The following MYH10 variants were observed in gnomAD, a reference collection of about 807,000 sequenced individuals.
MYH10 encodes myosin heavy chain 10, also known as myosin-10.
In MYH10, 55 loss-of-function variants were observed where a neutral mutation model predicts 257.8. The observed-to-expected ratio is 0.21, with a 90% CI of 0.17 to 0.27. MYH10 has a LOEUF of 0.27. Among genes scored for constraint, MYH10 ranks in the 10% least tolerant of loss-of-function variants. The pLI is 1.00. For missense variants in MYH10, 1,631 were observed against 2,500.6 expected (o/e 0.65, Z 7.42); for synonymous variants, 854 against 921.7 (o/e 0.93, Z 1.33).
intron 17 of MYH10, among the ~76,000 whole-genome samples, chr17:8,521,886 CACTT>C (rs1412197317): frequency 2.6e-5 from 4 of 152,160 alleles, no homozygotes; most frequent in Non-Finnish European, 5.9e-5. Flanking sequence ...ACATGAATAA[CACTT>C]ACTAAAGGGC....
rs148660553 is a variant in MYH10, at chr17:8,554,913, A to G, written c.757-895T>C. On this transcript the variant is annotated intron_variant, in intron 7 of 42. Transcript: ENST00000360416. ...GGTTGCAGTGAACTGAGATCGCGCC[A>G]CTGCACTCCAGCCTGGGTGACAGAG... 6.0e-3 allele frequency among the ~76,000 whole-genome samples: 921 copies of G among 152,354 alleles called. 14 individuals carry two copies. The highest frequency in any genetic ancestry group is 0.02 in the African/African-American group (825 of 41,588).
At chr17:8,628,158 T>A (rs1022406448) in intron 1 of MYH10, among the ~76,000 whole-genome samples, 9 of 152,218 alleles carry the variant, frequency 5.9e-5, no homozygotes. Context: ...TACCCATAAC[T>A]TAGGGGAAAT....
chr17:8,493,298 C>A (rs957174667), intron 32 of MYH10, among the ~76,000 whole-genome samples: 3 of 150,974 alleles, frequency 2.0e-5, no homozygotes, highest in Admixed American at 2.0e-4. Flanking sequence ...GAGCTGAGAT[C>A]ACGCCACTGC....
intron 31 of MYH10, among the ~76,000 whole-genome samples, chr17:8,494,815 G>A (rs751235064): frequency 6.6e-6 from 1 of 152,210 alleles, no homozygotes; most frequent in Non-Finnish European, 1.5e-5. Flanking sequence ...CAATCTTATT[G>A]GAAATGGCCA....
intron 19 of MYH10, among the ~76,000 whole-genome samples, chr17:8,519,371 C>G (rs760748510): frequency 6.6e-6 from 1 of 152,132 alleles, no homozygotes; most frequent in African/African-American, 2.4e-5. Context: ...TCATAGGCTT[C>G]TATTCAAAAC....
rs767017139 is a variant in MYH10 at position 8,546,669 on chromosome 17, TG to T, written c.1160-8del. 1.4e-5 allele frequency: 22 copies of T among 1,608,570 alleles called. No individual in the cohort carries two copies. The highest frequency in any genetic ancestry group is 1.8e-5 in the Non-Finnish European group (21 of 1,175,684). ...TGGCAGAGCTTCTGCGCAACTGAAG[TG>T]TAAAAAGTCTCCTAAATCCTACATT... On this transcript the variant is annotated splice_polypyrimidine_tract_variant and splice_region_variant and intron_variant, in intron 11 of 42. Coordinates refer to ENST00000360416, the MANE Select transcript of MYH10 (RefSeq NM_001256012.3).
chr17:8,577,299 T>C lies in MYH10; in HGVS notation c.570A>G (p.Lys190=). 1 of 1,611,712 alleles carries C rather than the reference T, an allele frequency of 6.2e-7. No individual in the cohort carries two copies. Among genetic ancestry groups the C allele is most frequent in the South Asian group, 1.1e-5 (1 of 90,676 alleles). ...CAACATGGGCAAGGTACTGAATAACTTTCTTTGTATTTTCTGTCTTCCCAG... is the reference window on the plus strand; with the variant it reads ...CAACATGGGCAAGGTACTGAATAACCTTCTTTGTATTTTCTGTCTTCCCAG... ...SGAGKTENTK[K]VIQYLAHVAS... The change falls in exon 5 of 43, where the codon AAA becomes AAG. Residue 190 remains lysine, a synonymous_variant. Transcript: ENST00000360416.
At chr17:8,536,813 A>AAAG (rs10683786) in intron 14 of MYH10, among the ~76,000 whole-genome samples, 11 of 150,790 alleles carry the variant, frequency 7.3e-5, no homozygotes, top group Admixed American at 2.6e-4. Flanking sequence ...AAAAAAAAAA[A>AAAG]GCGCTAGATG....
intron 37 of MYH10, among the ~76,000 whole-genome samples, chr17:8,483,435 T>A (rs1363630457): frequency 6.6e-6 from 1 of 152,222 alleles, no homozygotes; most frequent in Non-Finnish European, 1.5e-5. Flanking sequence ...TGTTCATTCC[T>A]GACACCTAGA....
At chr17:8,523,368 C>T (rs1033338118) in intron 17 of MYH10, among the ~76,000 whole-genome samples, 3 of 152,198 alleles carry the variant, frequency 2.0e-5, no homozygotes, top group Admixed American at 2.0e-4. Flanking sequence ...CATTAAATAT[C>T]TTTGTAATTA....
intron 3 of MYH10, among the ~76,000 whole-genome samples, chr17:8,596,108 T>C (rs906539490): frequency 1.3e-5 from 2 of 152,060 alleles, no homozygotes; most frequent in African/African-American, 4.8e-5. Context: ...AAAGTACTTA[T>C]GTTTATTGTT....
intron 4 of MYH10, among the ~76,000 whole-genome samples, chr17:8,583,689 A>T (rs779395735): frequency 5.9e-5 from 9 of 152,218 alleles, no homozygotes; most frequent in African/African-American, 9.7e-5. Context: ...CTTTTAACGC[A>T]TGTTATTCCT....
chr17:8,518,025 CGTGTGTGTGTGTGT>C (rs34409328), intron 21 of MYH10, among the ~76,000 whole-genome samples: 1 of 123,628 alleles, frequency 8.1e-6, no homozygotes, highest in Non-Finnish European at 1.7e-5. Flanking sequence ...CCCTTGGCCC[CGTGTGTGTGTGTGT>C]GTGTGTGTGT....
intron 31 of MYH10, among the ~76,000 whole-genome samples, chr17:8,494,533 CCTGT>C (rs553929638): frequency 9.9e-5 from 15 of 152,156 alleles, no homozygotes; most frequent in South Asian, 6.2e-4. Flanking sequence ...CCACTTTTGG[CCTGT>C]CTGAGATTTT....
intron 40 of MYH10, among the ~76,000 whole-genome samples, chr17:8,479,311 ACGT>A (rs1342743503): frequency 1.3e-5 from 2 of 152,202 alleles, no homozygotes; most frequent in Non-Finnish European, 2.9e-5. Context: ...AGATGCATCT[ACGT>A]CGTCCCATAT....
chr17:8,592,771 C>A (rs1302986347), intron 3 of MYH10, among the ~76,000 whole-genome samples: 1 of 108,476 alleles, frequency 9.2e-6, no homozygotes, highest in Non-Finnish European at 1.8e-5. Flanking sequence ...AGAAGCATTT[C>A]TCAATCCATT....
intron 26 of MYH10, among the ~76,000 whole-genome samples, chr17:8,507,207 GT>G (rs1351342995): frequency 6.6e-6 from 1 of 152,172 alleles, no homozygotes; most frequent in African/African-American, 2.4e-5. Flanking sequence ...AGTACAAATG[GT>G]TTATGAAAGT....
chr17:8,503,586 C>T (rs1263712840), intron 28 of MYH10, among the ~76,000 whole-genome samples: 1 of 152,190 alleles, frequency 6.6e-6, no homozygotes, highest in African/African-American at 2.4e-5. Flanking sequence ...CTTTCCACGA[C>T]CAAGTGCCCA....
intron 16 of MYH10, among the ~76,000 whole-genome samples, chr17:8,534,788 T>C (rs151307018): frequency 6.4e-4 from 98 of 152,314 alleles, no homozygotes; most frequent in African/African-American, 2.2e-3. Context: ...AAGATACTGG[T>C]TCCTAAAATG....
Sources: gnomAD v4.1 joint callset for allele counts (sites outside exome capture counted in the v4.1 genomes callset) on GRCh38, gnomAD v4.1.1 for gene constraint, MANE v1.5 for transcripts, NCBI Gene and HGNC (gene_info 2026-07-23, HGNC 2026-07-21) for gene names.